The following ZNF330 variants were observed in gnomAD, a reference collection of about 807,000 sequenced individuals.
The protein encoded by ZNF330 is zinc finger protein 330.
Under a neutral mutation model 45.5 loss-of-function variants are expected in ZNF330, and 31 were observed. That is an observed-to-expected ratio of 0.68 (90% CI 0.51 to 0.92). ZNF330 has a LOEUF of 0.92. ZNF330 is among the 40% of genes least tolerant of loss of function. The pLI, the probability that ZNF330 is intolerant of heterozygous loss-of-function variation, is 0.00. For missense variants in ZNF330, 356 were observed against 387.4 expected (o/e 0.92, Z 0.68); for synonymous variants, 138 against 123.2 (o/e 1.12, Z -0.79).
intron 2 of ZNF330, among the ~76,000 whole-genome samples, chr4:141,223,499 C>G (rs1237849878): frequency 6.6e-6 from 1 of 152,136 alleles, no homozygotes; most frequent in Non-Finnish European, 1.5e-5. Context: ...TTACAGGTAG[C>G]TTGCATGTCT....
intron 4 of ZNF330, among the ~76,000 whole-genome samples, chr4:141,225,541 TAATA>T (rs1728783508): frequency 6.6e-6 from 1 of 151,588 alleles, no homozygotes; most frequent in African/African-American, 2.4e-5. Flanking sequence ...GAGATAATAA[TAATA>T]ATTTCAGGTA....
Position 141,233,882 on chromosome 4 carries a change from G to T in ZNF330, c.856G>T (p.Glu286Ter). 1 of 1,613,756 alleles carries T rather than the reference G, an allele frequency of 6.2e-7. No individual in the cohort carries two copies. Residue 286 changes from glutamate (E) to a stop codon, truncating the protein, a stop_gained, in exon 10 of 10, where the codon GAA becomes TAA. Coordinates refer to ENST00000262990, the MANE Select transcript of ZNF330 (RefSeq NM_014487.6). LOFTEE classifies it high-confidence loss of function. ...AGAGGATGATGAAGAGGAAGAAGATGAAGGCAGAAAGGATTCAGATACTGA... is the reference window on the plus strand; with the variant it reads ...AGAGGATGATGAAGAGGAAGAAGATTAAGGCAGAAAGGATTCAGATACTGA... ...EAEDDEEEED[E>*]GRKDSDTESS...
In ZNF330 at chr4:141,230,305, A is replaced by G. The variant is rs1481973155; in HGVS notation, c.523+35A>G. On this transcript the variant is annotated intron_variant, in intron 7 of 9. Transcript: ENST00000262990. Reference sequence around the variant, plus strand: ...TAAGTATTAGATGTTCTTTATACCCAAGATTCTGAATAGTATAATTATTAA... The same window carrying G: ...TAAGTATTAGATGTTCTTTATACCCGAGATTCTGAATAGTATAATTATTAA... 12 of 1,298,068 alleles carry G rather than the reference A, an allele frequency of 9.2e-6. No homozygotes were observed. The Admixed American group carries it at 1.3e-4, about 14-fold the overall frequency. The allele number at this position is 1,298,068 out of a possible 1,614,324, so 80.4% of individuals were successfully genotyped here.
rs763820127 is a variant in ZNF330 at position 141,222,388 on chromosome 4, C to G, written c.17C>G (p.Thr6Ser). Residue 6 changes from threonine to serine, a missense_variant, in exon 2 of 10, where the codon ACT (threonine) becomes AGT (serine). Coordinates refer to ENST00000262990, the MANE Select transcript of ZNF330 (RefSeq NM_014487.6). Reference sequence around the variant, plus strand: ...TAGGGGAAAATGCCTAAAAAAAAGACTGGTGCGAGGAAGAAGGCTGAGAAC... The same window carrying G: ...TAGGGGAAAATGCCTAAAAAAAAGAGTGGTGCGAGGAAGAAGGCTGAGAAC... MPKKK[T>S]GARKKAENRR... is the part of the protein sequence containing the mutation. The G allele has an allele frequency of 1.9e-6, 3 of 1,612,788 alleles. No individual in the cohort carries two copies. The highest frequency in any genetic ancestry group is 2.2e-5 in the South Asian group (2 of 90,934).
intron 4 of ZNF330, among the ~76,000 whole-genome samples, chr4:141,226,295 G>A (rs1728802432): frequency 6.6e-6 from 1 of 152,090 alleles, no homozygotes; most frequent in African/African-American, 2.4e-5. Context: ...AACTCGATAA[G>A]TTACATAATC....
Position 141,233,804 on chromosome 4 carries a change from G to A in ZNF330, c.778G>A (p.Asp260Asn). ...YDAYWKNLSS[D>N]KYGDTSYHDE... The stretch of plus-strand genomic sequence containing the variant: ...TGCTTATTGGAAGAACCTTTCATCT[G>A]ATAAGTATGGTGATACCAGCTACCA... Residue 260 changes from aspartate to asparagine, a missense_variant, in exon 10 of 10, where the codon GAT becomes AAT. By Grantham distance (23) the Asp-to-Asn change is conservative. Coordinates refer to ENST00000262990, the MANE Select transcript of ZNF330 (RefSeq NM_014487.6). 1 of 1,613,712 alleles carries A rather than the reference G, an allele frequency of 6.2e-7. No homozygotes were observed. The highest frequency in any genetic ancestry group is 8.5e-7 in the Non-Finnish European group (1 of 1,179,770).
At chr4:141,232,702 CT>C (rs367794846) in intron 9 of ZNF330, 60 bp downstream of exon 9, 70,321 of 656,236 alleles carry the variant, frequency 0.11, no homozygotes, top group East Asian at 0.18. Flanking sequence ...CAAAGTTTAT[CT>C]TTTTTTTTTT....
At chr4:141,232,693 A>G (rs926356142) in intron 9 of ZNF330, 51 bp downstream of exon 9, 4 of 1,034,268 alleles carry the variant, frequency 3.9e-6, no homozygotes, top group South Asian at 4.9e-5. Flanking sequence ...ATACTTAGAC[A>G]AAGTTTATCT....
chr4:141,229,823 T>A, intron 6 of ZNF330, 126 bp downstream of exon 6: 1 of 1,257,574 alleles, frequency 8.0e-7, no homozygotes, highest in Non-Finnish European at 1.1e-6. Context: ...CTGTTTTGAT[T>A]ATCAGTGTAG....
At chr4:141,224,180 G>A (rs1363792446) in intron 2 of ZNF330, among the ~76,000 whole-genome samples, 1 of 152,088 alleles carries the variant, frequency 6.6e-6, no homozygotes, top group African/African-American at 2.4e-5. Context: ...ACTATCAAAA[G>A]GATAGTTCTT....
At chr4:141,233,525 G>C (rs921472412) in intron 9 of ZNF330, among the ~76,000 whole-genome samples, 190 bp from the exon 10 acceptor site, 2 of 152,076 alleles carry the variant, frequency 1.3e-5, no homozygotes, top group African/African-American at 4.8e-5. Flanking sequence ...TAGATTTAAT[G>C]AAATTACACT....
At position 141,227,236 on chromosome 4, in the gene ZNF330, T is replaced by A. The variant is rs867918277; in HGVS notation, c.291+390T>A. 4.6e-5 allele frequency among the ~76,000 whole-genome samples: 7 copies of A among 152,052 alleles called. No homozygotes were observed. In the Middle Eastern group the frequency reaches 0.014, roughly 296 times the overall value. On this transcript the variant is annotated intron_variant, in intron 5 of 9. Transcript: ENST00000262990. ...ATGTTGGTGTGGTGCACCCATTAAC[T>A]CGTCATTTAGCATTAGGTATATCTC...
At position 141,231,420 on chromosome 4, in the gene ZNF330, A is replaced by G; in HGVS notation, c.524-19A>G. ...AAGAACCAAATAACGGGATTTTAAAATTAATCTATTTCCCACAGGTGTTTC... is the reference window on the plus strand; with the variant it reads ...AAGAACCAAATAACGGGATTTTAAAGTTAATCTATTTCCCACAGGTGTTTC... On this transcript the variant is annotated intron_variant, in intron 7 of 9. Transcript: ENST00000262990. The G allele has an allele frequency of 6.3e-7, 1 of 1,584,264 alleles. No homozygotes were observed. Among genetic ancestry groups the G allele is most frequent in the South Asian group, 1.2e-5 (1 of 85,614 alleles).
At chr4:141,227,721 CT>C (rs1486045473) in intron 5 of ZNF330, among the ~76,000 whole-genome samples, 4 of 152,122 alleles carry the variant, frequency 2.6e-5, no homozygotes, top group African/African-American at 9.7e-5. Context: ...GAAAGCCCTG[CT>C]TAACCAACGT....
At chr4:141,224,725 T>C (rs1270033840) in intron 4 of ZNF330, 48 bp downstream of exon 4, 1 of 1,538,328 alleles carries the variant, frequency 6.5e-7, no homozygotes, top group East Asian at 2.3e-5. Context: ...AACTGGTAGT[T>C]CAACAATTTG....
rs748175909 is a variant in ZNF330 at position 141,234,210 on chromosome 4, G to A, written c.*221G>A. 1.4e-5 allele frequency: 11 copies of A among 771,646 alleles called. No individual in the cohort carries two copies. Among genetic ancestry groups the A allele is most frequent in the South Asian group, 7.8e-5 (2 of 25,644 alleles). 47.8% of individuals were successfully genotyped at this position (771,646 alleles called of 1,614,324 possible). A position where few individuals can be genotyped will look rare whatever the true frequency, so the allele number is the denominator to read the frequency against. On this transcript the variant is annotated 3_prime_UTR_variant, in exon 10 of 10. Transcript: ENST00000262990. ...TTCAAATTTAAGATGTTTATTGATC[G>A]AAGCAATTGAAGTATCATGGATTGG...
chr4:141,224,700 C>T (rs1435336336), intron 4 of ZNF330, 23 bp downstream of exon 4: 1 of 1,601,308 alleles, frequency 6.2e-7, no homozygotes, highest in African/African-American at 1.3e-5. Flanking sequence ...TAATTAAGGA[C>T]ATATGCTTTT....
chr4:141,223,442 A>C lies in ZNF330; in HGVS notation c.120+951A>C, dbSNP rs556611815. On this transcript the variant is annotated intron_variant, in intron 2 of 9. Transcript: ENST00000262990. ...TTGCTTTTGTTTCTTATTCCTTATT[A>C]GTTCCATTTTTTCATATTGTCTTAC... Among the ~76,000 whole-genome samples the C allele has an allele frequency of 5.3e-5, 8 of 152,306 alleles. No homozygotes were observed. In the South Asian group the frequency reaches 1.4e-3, roughly 28 times the overall value.
intron 6 of ZNF330, 98 bp downstream of exon 6, chr4:141,229,795 C>T (rs1728906153): frequency 1.4e-6 from 2 of 1,437,202 alleles, no homozygotes; most frequent in Non-Finnish European, 1.9e-6. Flanking sequence ...AGGATACTGT[C>T]AATCCTAACT....
Sources: gnomAD v4.1 joint callset for allele counts (sites outside exome capture counted in the v4.1 genomes callset) on GRCh38, gnomAD v4.1.1 for gene constraint, MANE v1.5 for transcripts, NCBI Gene and HGNC (gene_info 2026-07-23, HGNC 2026-07-21) for gene names.